NALF1: variants seen among roughly 807,000 people sequenced by gnomAD.
NALF1 encodes the protein family with sequence similarity 155 member A.
In NALF1, 3 loss-of-function variants were observed where a neutral mutation model predicts 48.4. The ratio of observed to expected loss-of-function variants is 0.06; its 90% confidence interval spans 0.03 to 0.16. The LOEUF (loss-of-function observed/expected upper bound fraction) is 0.16. Ranked by LOEUF, NALF1 falls within the 10% of genes least tolerant of loss-of-function variation. The probability of loss-of-function intolerance (pLI) is 1.00; values close to 1 mark genes in which losing one functional copy is unlikely to be tolerated. For missense variants in NALF1, 526 were observed against 571.5 expected, an observed-to-expected ratio of 0.92 and a Z score of 0.81; for synonymous variants, 262 against 245.7, an observed-to-expected ratio of 1.07 and a Z score of -0.62.
chr13:107,700,123 T>G (rs986430124), intron 1 of NALF1, among the ~76,000 whole-genome samples: 3 of 151,744 alleles, frequency 2.0e-5, no homozygotes, highest in African/African-American at 7.3e-5. Flanking sequence ...AGAATTCCAA[T>G]GGCATTTTTC....
chr13:107,265,989 TCTCTC>T (rs1881031170), intron 1 of NALF1, among the ~76,000 whole-genome samples: 1 of 152,190 alleles, frequency 6.6e-6, no homozygotes, highest in South Asian at 2.1e-4. Context: ...TCTTGTTTCT[TCTCTC>T]AAGCTTCCTG....
At chr13:107,442,080 A>C (rs1884569655) in intron 1 of NALF1, among the ~76,000 whole-genome samples, 1 of 152,180 alleles carries the variant, frequency 6.6e-6, no homozygotes, top group South Asian at 2.1e-4. Flanking sequence ...ATATTTCTGG[A>C]GGGTGAGATT....
intron 1 of NALF1, among the ~76,000 whole-genome samples, chr13:107,638,068 A>T (rs2138455239): frequency 6.6e-6 from 1 of 151,794 alleles, no homozygotes; most frequent in South Asian, 2.1e-4. Context: ...AACTTTCCTC[A>T]TAAGTGACAT....
intron 1 of NALF1, among the ~76,000 whole-genome samples, chr13:107,558,570 C>A (rs1282793666): frequency 6.6e-6 from 1 of 152,174 alleles, no homozygotes; most frequent in Non-Finnish European, 1.5e-5. Context: ...TTACTCTCAC[C>A]TTTGGTTTAA....
chr13:107,234,331 G>A (rs1323661182), intron 1 of NALF1, among the ~76,000 whole-genome samples: 1 of 152,206 alleles, frequency 6.6e-6, no homozygotes, highest in Non-Finnish European at 1.5e-5. Context: ...CGGTGACTTT[G>A]CCTGCTTTCC....
At position 107,586,635 on chromosome 13, in the gene NALF1, A is replaced by ATTTTTTTTT. The variant is rs61429641; in HGVS notation, c.915+279038_915+279046dup. On this transcript the variant is annotated intron_variant, in intron 1 of 2. Transcript: ENST00000375915. ...CTACATTTAAAGCTCCCCTATGGAG[A>ATTTTTTTTT]TTTTTTTTTTTTTTGCTAGGAATGA... Among the ~76,000 whole-genome samples, 16 of 93,110 alleles carry ATTTTTTTTT rather than the reference A, an allele frequency of 1.7e-4. 2 individuals are homozygous for ATTTTTTTTT. Among genetic ancestry groups the ATTTTTTTTT allele is most frequent in the Admixed American group, 9.3e-4 (7 of 7,532 alleles). The allele number at this position is 93,110 out of a possible 152,430, so 61.1% of individuals were successfully genotyped here.
At chr13:107,803,325 C>T (rs73587709) in intron 1 of NALF1, among the ~76,000 whole-genome samples, 3,909 of 152,030 alleles carry the variant, frequency 0.026, 171 homozygotes, top group African/African-American at 0.089. Flanking sequence ...TTAAATATAA[C>T]GTGGTCAATT....
At chr13:107,331,084 T>C (rs1566487258) in intron 1 of NALF1, among the ~76,000 whole-genome samples, 1 of 152,192 alleles carries the variant, frequency 6.6e-6, no homozygotes, top group South Asian at 2.1e-4. Context: ...ATACTATTAG[T>C]AACAGTTTTA....
At chr13:107,433,016 C>A (rs2139018955) in intron 1 of NALF1, among the ~76,000 whole-genome samples, 1 of 152,256 alleles carries the variant, frequency 6.6e-6, no homozygotes, top group Admixed American at 6.5e-5. Flanking sequence ...CCCTCTCATT[C>A]ACCCCTTGAC....
intron 1 of NALF1, among the ~76,000 whole-genome samples, chr13:107,605,237 T>C (rs1288142370): frequency 6.6e-6 from 1 of 152,208 alleles, no homozygotes; most frequent in Non-Finnish European, 1.5e-5. Flanking sequence ...GTGTTTTCCT[T>C]AAGTCAGAAT....
intron 1 of NALF1, among the ~76,000 whole-genome samples, chr13:107,287,688 C>G (rs1269003966): frequency 7.2e-6 from 1 of 139,032 alleles, no homozygotes; most frequent in South Asian, 2.3e-4. Context: ...TTTTCTTTTC[C>G]TTTCTTTTCT....
Position 107,794,176 on chromosome 13 carries a change from T to C in NALF1, c.915+71506A>G, listed in dbSNP as rs374827545. On this transcript the variant is annotated intron_variant, in intron 1 of 2. Transcript: ENST00000375915. ...AACCTGGATCCACGGGACTGCAACT[T>C]ACACCTCATTTCCTGTTCTATGCCC... 2.0e-4 allele frequency among the ~76,000 whole-genome samples: 30 copies of C among 152,306 alleles called. No homozygotes were observed. The East Asian group carries it at 4.3e-3, about 22-fold the overall frequency.
At chr13:107,396,064 T>C (rs7332171) in intron 1 of NALF1, among the ~76,000 whole-genome samples, 7,580 of 152,122 alleles carry the variant, frequency 0.05, 380 homozygotes, top group African/African-American at 0.13. Context: ...GAAGTCCAGG[T>C]TCAAGGTGCC....
At chr13:107,603,607 A>G (rs1388985990) in intron 1 of NALF1, among the ~76,000 whole-genome samples, 3 of 152,218 alleles carry the variant, frequency 2.0e-5, no homozygotes, top group Non-Finnish European at 4.4e-5. Flanking sequence ...CAGATGAGTA[A>G]TGAACACATT....
intron 1 of NALF1, chr13:107,466,365 T>C (rs144064474): frequency 1.1e-3 from 160 of 152,310 alleles, no homozygotes; most frequent in African/African-American, 3.7e-3. Context: ...AAATAGGAAT[T>C]TTGGAGGTCC....
chr13:107,314,263 C>G (rs1882101539), intron 1 of NALF1, among the ~76,000 whole-genome samples: 1 of 152,134 alleles, frequency 6.6e-6, no homozygotes, highest in Non-Finnish European at 1.5e-5. Context: ...TTTAGGCCCC[C>G]AGCTGGCCTT....
At chr13:107,723,873 G>A (rs1284143254) in intron 1 of NALF1, among the ~76,000 whole-genome samples, 1 of 152,072 alleles carries the variant, frequency 6.6e-6, no homozygotes, top group Non-Finnish European at 1.5e-5. Flanking sequence ...ATTTTAACAT[G>A]AGAAACTGTA....
intron 1 of NALF1, among the ~76,000 whole-genome samples, chr13:107,246,517 T>A (rs917366146): frequency 6.6e-6 from 1 of 152,224 alleles, no homozygotes; most frequent in African/African-American, 2.4e-5. Context: ...AAAGTCTTTT[T>A]CTGTTTTTCA....
chr13:107,523,368 T>G (rs75038625), intron 1 of NALF1, among the ~76,000 whole-genome samples: 6,646 of 151,874 alleles, frequency 0.044, 232 homozygotes, highest in East Asian at 0.1. Flanking sequence ...TAAGAAATTT[T>G]TTTTAATTTT....
Sources: allele counts gnomAD v4.1 joint callset (sites outside exome capture counted in the v4.1 genomes callset), GRCh38; gene constraint gnomAD v4.1.1; transcripts MANE v1.5; gene names NCBI Gene and HGNC (gene_info 2026-07-23, HGNC 2026-07-21).